The following NAP1L1 variants were observed in gnomAD, a reference collection of about 807,000 sequenced individuals.
NAP1L1 encodes nucleosome assembly protein 1 like 1.
Under a neutral mutation model 58.9 loss-of-function variants are expected in NAP1L1, and 9 were observed. The observed-to-expected ratio is 0.15, with a 90% confidence interval of 0.09 to 0.27. The LOEUF is 0.27. Among genes scored for constraint, NAP1L1 ranks in the 10% least tolerant of loss-of-function variants. The pLI is 1.00. For missense variants in NAP1L1, 302 were observed against 458.8 expected, an observed-to-expected ratio of 0.66 and a Z score of 3.12; for synonymous variants, 130 against 138.3, an observed-to-expected ratio of 0.94 and a Z score of 0.42.
At chr12:76,070,400 G>A (rs958336017) in intron 2 of NAP1L1, among the ~76,000 whole-genome samples, 3 of 152,232 alleles carry the variant, frequency 2.0e-5, no homozygotes, top group Admixed American at 2.0e-4. Context: ...AAGCCACCAC[G>A]CCCAGCCTAT....
chr12:76,041,543 C>T lies in NAP1L1; in HGVS notation c.*6886G>A, dbSNP rs574613309. ...TTGCCGTGAAGTGGCTAAGTCCACT[C>T]ACCAAGCCAAATGAATAGCAAAGAC... On this transcript the variant is annotated 3_prime_UTR_variant, in exon 15 of 15. Transcript: ENST00000618691. 1 of 152,322 alleles carries T rather than the reference C, an allele frequency of 6.6e-6. No individual in the cohort carries two copies. The highest frequency in any genetic ancestry group is 1.9e-4 in the East Asian group (1 of 5,182). 9.4% of individuals were successfully genotyped at this position (152,322 alleles called of 1,614,324 possible).
chr12:76,041,051 T>C lies in NAP1L1; in HGVS notation c.*7378A>G, dbSNP rs1235276800. ...GCTGGGGCCCCTAGCCCCTGCATTATGAAAGAGCTAACTGTATACACAATC... is the reference window on the plus strand; with the variant it reads ...GCTGGGGCCCCTAGCCCCTGCATTACGAAAGAGCTAACTGTATACACAATC... On this transcript the variant is annotated 3_prime_UTR_variant, in exon 15 of 15. Coordinates refer to ENST00000618691, the MANE Select transcript of NAP1L1 (RefSeq NM_004537.7). 2 of 152,234 alleles carry C rather than the reference T, an allele frequency of 1.3e-5. No individual in the cohort carries two copies. Among genetic ancestry groups the C allele is most frequent in the Non-Finnish European group, 2.9e-5 (2 of 68,038 alleles). 9.4% of individuals were successfully genotyped at this position (152,234 alleles called of 1,614,324 possible). A position where few individuals can be genotyped will look rare whatever the true frequency, so the allele number is the denominator to read the frequency against.
rs1315544010 is a variant in NAP1L1 at position 76,067,569 on chromosome 12, GCCCA to G, written c.104-100_104-97del. On this transcript the variant is annotated intron_variant, in intron 3 of 14. Transcript: ENST00000618691. The stretch of plus-strand genomic sequence containing the variant: ...CAATCTCATGAAGTTTTCCTAACTG[GCCCA>G]TAAATTGCTGGTATATCTAATGAGT... 1.4e-4 allele frequency: 131 copies of G among 947,474 alleles called. 1 individual carries two copies. Among genetic ancestry groups the G allele is most frequent in the Middle Eastern group, 1.1e-3 (5 of 4,570 alleles). 58.7% of individuals were successfully genotyped at this position (947,474 alleles called of 1,614,324 possible).
At chr12:76,068,406 T>A (rs963607390) in intron 3 of NAP1L1, among the ~76,000 whole-genome samples, 4 of 152,080 alleles carry the variant, frequency 2.6e-5, no homozygotes, top group African/African-American at 9.7e-5. Flanking sequence ...TTGGCGCAGA[T>A]CTACAAGACA....
chr12:76,039,942 C>T lies in NAP1L1; in HGVS notation c.*8487G>A, dbSNP rs944381827. On this transcript the variant is annotated 3_prime_UTR_variant, in exon 15 of 15. Coordinates refer to ENST00000618691, the MANE Select transcript of NAP1L1 (RefSeq NM_004537.7). ...TTCTCGAAACCTCTCAGTCTAGTTA[C>T]ATTATACCCAACTTTTGAAAACACG... 1 of 152,176 alleles carries T rather than the reference C, an allele frequency of 6.6e-6. No homozygotes were observed. Among genetic ancestry groups the T allele is most frequent in the African/African-American group, 2.4e-5 (1 of 41,446 alleles). 9.4% of individuals were successfully genotyped at this position (152,176 alleles called of 1,614,324 possible).
At chr12:76,072,897 C>T (rs1950023414) in intron 2 of NAP1L1, among the ~76,000 whole-genome samples, 1 of 152,114 alleles carries the variant, frequency 6.6e-6, no homozygotes, top group East Asian at 1.9e-4. Flanking sequence ...CTCCCTTGTA[C>T]TCTTCCAAGA....
chr12:76,077,622 T>G (rs1950228972), intron 1 of NAP1L1, among the ~76,000 whole-genome samples: 2 of 152,230 alleles, frequency 1.3e-5, no homozygotes, highest in East Asian at 3.9e-4. Context: ...TAAATTGCAT[T>G]CCAAGATCTC....
At chr12:76,084,249 C>T (rs1003318210) in intron 1 of NAP1L1, among the ~76,000 whole-genome samples, 1 of 152,086 alleles carries the variant, frequency 6.6e-6, no homozygotes, top group African/African-American at 2.4e-5. Flanking sequence ...GGCACCCGGG[C>T]GTCACCGCGG....
In NAP1L1 at chr12:76,045,392, G is replaced by T. The variant is rs569404968; in HGVS notation, c.*3037C>A. 4 of 152,066 alleles carry T rather than the reference G, an allele frequency of 2.6e-5. No homozygotes were observed. The highest frequency in any genetic ancestry group is 9.6e-5 in the African/African-American group (4 of 41,528). The allele number at this position is 152,066 out of a possible 1,614,324, so 9.4% of individuals were successfully genotyped here. A position where few individuals can be genotyped will look rare whatever the true frequency, so the allele number is the denominator to read the frequency against. ...ACGATAAGATTTTCAGTTACTTCAA[G>T]TTTTGTCTTTATTTTTAATAATGGG... is the stretch of plus-strand genomic sequence containing the variant. On this transcript the variant is annotated 3_prime_UTR_variant, in exon 15 of 15. Coordinates refer to ENST00000618691, the MANE Select transcript of NAP1L1 (RefSeq NM_004537.7).
intron 11 of NAP1L1, among the ~76,000 whole-genome samples, chr12:76,051,623 C>G (rs1042908044): frequency 6.6e-6 from 1 of 152,158 alleles, no homozygotes; most frequent in Non-Finnish European, 1.5e-5. Flanking sequence ...CCTCCGCCAC[C>G]AGAGCAGCTG....
rs1948578891 is a variant in NAP1L1 at position 76,044,408 on chromosome 12, T to C, written c.*4021A>G. The C allele has an allele frequency of 6.6e-6, 1 of 152,172 alleles. No individual in the cohort carries two copies. Among genetic ancestry groups the C allele is most frequent in the African/African-American group, 2.4e-5 (1 of 41,436 alleles). 9.4% of individuals were successfully genotyped at this position (152,172 alleles called of 1,614,324 possible). A position where few individuals can be genotyped will look rare whatever the true frequency, so the allele number is the denominator to read the frequency against. On this transcript the variant is annotated 3_prime_UTR_variant, in exon 15 of 15. Transcript: ENST00000618691. The stretch of plus-strand genomic sequence containing the variant: ...TAATAAAACTCAGTTTGTTCTAGGA[T>C]CCACAAAACTTAAAATGCCCAATTT...
intron 2 of NAP1L1, chr12:76,073,952 T>A: frequency 2.6e-6 from 1 of 383,036 alleles, no homozygotes; most frequent in East Asian, 4.3e-5. Context: ...ATTATCATGC[T>A]CAGCATTTTC....
intron 1 of NAP1L1, among the ~76,000 whole-genome samples, chr12:76,078,588 A>G (rs1950285783): frequency 6.6e-6 from 1 of 152,214 alleles, no homozygotes; most frequent in East Asian, 1.9e-4. Flanking sequence ...TTGAAAACAC[A>G]CTGTCTGCAA....
chr12:76,056,336 T>A, intron 6 of NAP1L1, 175 bp from the exon 7 acceptor site: 1 of 577,246 alleles, frequency 1.7e-6, no homozygotes, highest in Middle Eastern at 4.1e-4. Flanking sequence ...AAATTACTGC[T>A]ACCACACCCC....
intron 1 of NAP1L1, among the ~76,000 whole-genome samples, chr12:76,081,078 C>T (rs1012466406): frequency 6.6e-6 from 1 of 150,682 alleles, no homozygotes; most frequent in South Asian, 2.1e-4. Context: ...GAAATAAATT[C>T]TTTTTTTTTA....
intron 1 of NAP1L1, among the ~76,000 whole-genome samples, chr12:76,075,487 G>A (rs999637810): frequency 2.0e-5 from 3 of 151,986 alleles, no homozygotes; most frequent in African/African-American, 7.3e-5. Context: ...AATATTTGGG[G>A]GAAACATTAT....
rs57970257 is a variant in NAP1L1 at position 76,051,002 on chromosome 12, G to GAAA, written c.937-352_937-350dup. ...CCAGTGTACTCTAGCCTGGGCAACCGAAAAAAAAAAAAAAAAAAGACAGAC... is the reference window on the plus strand; with the variant it reads ...CCAGTGTACTCTAGCCTGGGCAACCGAAAAAAAAAAAAAAAAAAAAAGACAGAC... On this transcript the variant is annotated intron_variant, in intron 11 of 14. Coordinates refer to ENST00000618691, the MANE Select transcript of NAP1L1 (RefSeq NM_004537.7). Among the ~76,000 whole-genome samples the GAAA allele has an allele frequency of 8.4e-3, 707 of 83,712 alleles. 16 individuals are homozygous for GAAA. The highest frequency in any genetic ancestry group is 0.036 in the Admixed American group (263 of 7,254). The allele number at this position is 83,712 out of a possible 152,430, so 54.9% of individuals were successfully genotyped here. A position where few individuals can be genotyped will look rare whatever the true frequency, so the allele number is the denominator to read the frequency against.
At chr12:76,078,828 A>T (rs768867087) in intron 1 of NAP1L1, among the ~76,000 whole-genome samples, 15 of 152,328 alleles carry the variant, frequency 9.8e-5, no homozygotes, top group Non-Finnish European at 1.5e-5. Context: ...GATCCAATGA[A>T]GCCTAATAAA....
At position 76,045,092 on chromosome 12, in the gene NAP1L1, C is replaced by G. The variant is rs1948586961; in HGVS notation, c.*3337G>C. On this transcript the variant is annotated 3_prime_UTR_variant, in exon 15 of 15. Transcript: ENST00000618691. The stretch of plus-strand genomic sequence containing the variant: ...ATATTTCCAAAAACAAAATCAAGCT[C>G]ATAATTACCAAGTATATATGTACAG... The G allele has an allele frequency of 6.6e-6, 1 of 151,910 alleles. No individual in the cohort carries two copies. Among genetic ancestry groups the G allele is most frequent in the South Asian group, 2.1e-4 (1 of 4,824 alleles). The allele number at this position is 151,910 out of a possible 1,614,324, so 9.4% of individuals were successfully genotyped here.
Sources: gnomAD v4.1 joint callset for allele counts (sites outside exome capture counted in the v4.1 genomes callset) on GRCh38, gnomAD v4.1.1 for gene constraint, MANE v1.5 for transcripts, NCBI Gene and HGNC (gene_info 2026-07-23, HGNC 2026-07-21) for gene names.